Variants in MACROD2 observed in about 807,000 individuals in gnomAD.
MACROD2 encodes mono-ADP ribosylhydrolase 2, also known as ADP-ribose glycohydrolase MACROD2.
A neutral mutation model predicts 70.4 loss-of-function variants in MACROD2; 36 were observed. That is an observed-to-expected ratio of 0.51 (90% confidence interval 0.39 to 0.68). The LOEUF (loss-of-function observed/expected upper bound fraction) is 0.68, where lower values mean the gene tolerates loss of function less well. MACROD2 is among the 30% of genes least tolerant of loss of function. The pLI, the probability that MACROD2 is intolerant of heterozygous loss-of-function variation, is 0.00. For missense variants in MACROD2, 496 were observed against 538.4 expected, an observed-to-expected ratio of 0.92 and a Z score of 0.78; for synonymous variants, 172 against 178.8, an observed-to-expected ratio of 0.96 and a Z score of 0.30.
intron 6 of MACROD2, among the ~76,000 whole-genome samples, chr20:15,264,668 T>G (rs994071947): frequency 1.6e-4 from 24 of 152,084 alleles, no homozygotes; most frequent in African/African-American, 5.3e-4. Context: ...CTCAGAAGAA[T>G]AGGTGAAAAG....
At chr20:15,511,495 C>T (rs1035901770) in intron 8 of MACROD2, among the ~76,000 whole-genome samples, 2 of 152,142 alleles carry the variant, frequency 1.3e-5, no homozygotes, top group Admixed American at 6.5e-5. Flanking sequence ...GGAGACAAAA[C>T]TGGGTTTCCT....
intron 3 of MACROD2, among the ~76,000 whole-genome samples, chr20:14,138,923 A>G (rs1480982282): frequency 3.3e-5 from 5 of 152,140 alleles, no homozygotes; most frequent in African/African-American, 1.2e-4. Context: ...TTATTTGTCA[A>G]TTATACGTCA....
In MACROD2 at chr20:16,050,628, A is replaced by G. The variant is rs759526572; in HGVS notation, c.*752A>G. On this transcript the variant is annotated 3_prime_UTR_variant, in exon 18 of 18. Coordinates refer to ENST00000684519, the MANE Select transcript of MACROD2 (RefSeq NM_001351661.2). ...AGCTTACTTGGTTCATGAGGTCTTC[A>G]CATGGAGACTACCAGCAAGAGGTGA... 6.6e-6 allele frequency: 1 copy of G among 152,232 alleles called. No homozygotes were observed. The highest frequency in any genetic ancestry group is 1.5e-5 in the Non-Finnish European group (1 of 68,064). 9.4% of individuals were successfully genotyped at this position (152,232 alleles called of 1,614,324 possible).
At chr20:14,852,029 G>A (rs909076986) in intron 5 of MACROD2, among the ~76,000 whole-genome samples, 1 of 152,170 alleles carries the variant, frequency 6.6e-6, no homozygotes, top group Non-Finnish European at 1.5e-5. Context: ...CATGAAAGAG[G>A]AAATTTAAGC....
At chr20:14,117,428 C>T (rs1322578509) in intron 3 of MACROD2, among the ~76,000 whole-genome samples, 5 of 152,134 alleles carry the variant, frequency 3.3e-5, no homozygotes, top group African/African-American at 9.7e-5. Context: ...AGATAACATT[C>T]TAAGGTCTGG....
rs1281155428 is a variant in MACROD2 at position 15,311,663 on chromosome 20, C to T, written c.540+81602C>T. 5.3e-5 allele frequency among the ~76,000 whole-genome samples: 8 copies of T among 152,306 alleles called. No homozygotes were observed. The East Asian group carries it at 1.2e-3, about 22-fold the overall frequency. On this transcript the variant is annotated intron_variant, in intron 6 of 17. Transcript: ENST00000684519. Reference sequence around the variant, plus strand: ...ATGGATGGAGCTGGAGGTGATTATCCTAAGCGTATTAACTCAGTTACAGAA... The same window carrying T: ...ATGGATGGAGCTGGAGGTGATTATCTTAAGCGTATTAACTCAGTTACAGAA...
chr20:14,954,573 GTATAAAT>G lies in MACROD2; in HGVS notation c.418+269626_418+269632del, dbSNP rs1247797109. Among the ~76,000 whole-genome samples, 5 of 128,914 alleles carry G rather than the reference GTATAAAT, an allele frequency of 3.9e-5. 1 individual carries two copies. The highest frequency in any genetic ancestry group is 2.4e-4 in the South Asian group (1 of 4,238). The allele number at this position is 128,914 out of a possible 152,430, so 84.6% of individuals were successfully genotyped here. A position where few individuals can be genotyped will look rare whatever the true frequency, so the allele number is the denominator to read the frequency against. On this transcript the variant is annotated intron_variant, in intron 5 of 17. Transcript: ENST00000684519. ...ATAAATAAATTATAAATATATAAAT[GTATAAAT>G]TATAAATTATATATAATAATTATAT...
intron 3 of MACROD2, among the ~76,000 whole-genome samples, chr20:14,338,997 G>A (rs192197638): frequency 7.8e-4 from 119 of 152,268 alleles, no homozygotes; most frequent in African/African-American, 2.8e-3. Flanking sequence ...TCTTAGAGGT[G>A]CATGACCTTC....
chr20:15,102,686 G>T (rs1382202251), intron 5 of MACROD2, among the ~76,000 whole-genome samples: 2 of 151,978 alleles, frequency 1.3e-5, no homozygotes, highest in Non-Finnish European at 2.9e-5. Context: ...TGATTTCTGA[G>T]AATCATAGTC....
intron 6 of MACROD2, among the ~76,000 whole-genome samples, chr20:15,387,409 C>T (rs547616146): frequency 7.0e-4 from 106 of 151,628 alleles, no homozygotes; most frequent in African/African-American, 2.2e-3. Context: ...TGCACTTTTC[C>T]CTTCCATTCT....
Position 15,885,786 on chromosome 20 carries a change from G to C in MACROD2, c.750G>C (p.Glu250Asp). Residue 250 changes from glutamate to aspartate, a missense_variant, in exon 10 of 18, where the codon GAG becomes GAC. Transcript: ENST00000684519. ...CAGACGATAATAATGAAGAAGAAGA[G>C]GATGTTGAAATGAAAGAAGATTCAG... ...FSVDDNNEEE[E>D]DVEMKEDSDE... The C allele has an allele frequency of 6.7e-7, 1 of 1,493,582 alleles. No homozygotes were observed. Among genetic ancestry groups the C allele is most frequent in the Non-Finnish European group, 8.9e-7 (1 of 1,122,100 alleles). The allele number at this position is 1,493,582 out of a possible 1,614,324, so 92.5% of individuals were successfully genotyped here.
At chr20:14,515,960 T>A (rs1183951738) in intron 4 of MACROD2, among the ~76,000 whole-genome samples, 1 of 147,854 alleles carries the variant, frequency 6.8e-6, no homozygotes, top group Non-Finnish European at 1.5e-5. Flanking sequence ...CATTATATAT[T>A]ATATAATATA....
chr20:15,954,251 T>C (rs1047749797), intron 12 of MACROD2, among the ~76,000 whole-genome samples: 3 of 152,064 alleles, frequency 2.0e-5, no homozygotes, highest in Non-Finnish European at 2.9e-5. Flanking sequence ...AAAATGCAAA[T>C]AGCTCACTAT....
At chr20:14,068,315 C>A (rs992238361) in intron 2 of MACROD2, among the ~76,000 whole-genome samples, 12 of 148,790 alleles carry the variant, frequency 8.1e-5, no homozygotes, top group Admixed American at 2.0e-4. Context: ...CTAATCCTGG[C>A]AGGGAAAATC....
intron 4 of MACROD2, among the ~76,000 whole-genome samples, chr20:14,648,756 G>T (rs958685772): frequency 6.6e-6 from 1 of 151,952 alleles, no homozygotes; most frequent in African/African-American, 2.4e-5. Flanking sequence ...ATTCAGTTGG[G>T]TCTTATTAAA....
At chr20:15,200,277 C>G (rs1171841604) in intron 5 of MACROD2, among the ~76,000 whole-genome samples, 1 of 152,202 alleles carries the variant, frequency 6.6e-6, no homozygotes, top group Admixed American at 6.5e-5. Flanking sequence ...TCACATGCTA[C>G]TTTGATGACT....
chr20:14,772,868 T>C (rs918068008), intron 5 of MACROD2, among the ~76,000 whole-genome samples: 4 of 152,184 alleles, frequency 2.6e-5, no homozygotes, highest in Admixed American at 2.6e-4. Context: ...AAAAACTGAC[T>C]AAAAAGTGGC....
At chr20:14,761,410 C>T (rs1451173179) in intron 5 of MACROD2, among the ~76,000 whole-genome samples, 1 of 152,192 alleles carries the variant, frequency 6.6e-6, no homozygotes, top group Admixed American at 6.5e-5. Flanking sequence ...TAAAAGCTGA[C>T]GAATTGCTCA....
chr20:16,014,552 C>T (rs1042090893), intron 15 of MACROD2, among the ~76,000 whole-genome samples: 2 of 152,166 alleles, frequency 1.3e-5, no homozygotes, highest in Admixed American at 6.5e-5. Flanking sequence ...CCTTCTGTTC[C>T]ACTACAGAGT....
Sources: allele counts gnomAD v4.1 joint callset (sites outside exome capture counted in the v4.1 genomes callset), GRCh38; gene constraint gnomAD v4.1.1; transcripts MANE v1.5; gene names NCBI Gene and HGNC (gene_info 2026-07-23, HGNC 2026-07-21).